SLC41A2: variants seen among roughly 807,000 people sequenced by gnomAD.
The protein encoded by SLC41A2 is SLC41A1-like 1.
A neutral mutation model predicts 58.3 loss-of-function variants in SLC41A2; 32 were observed. That is an observed-to-expected ratio of 0.55 (90% CI 0.41 to 0.74). The LOEUF is 0.74. Among genes scored for constraint, SLC41A2 ranks in the 30% least tolerant of loss-of-function variants. The pLI is 0.00. For synonymous variants in SLC41A2, 190 were observed against 235.0 expected (o/e 0.81, Z 1.75); for missense variants, 514 against 680.6 (o/e 0.76, Z 2.72).
At chr12:104,822,861 GAAAAC>G (rs986916795) in intron 10 of SLC41A2, among the ~76,000 whole-genome samples, 2 of 152,014 alleles carry the variant, frequency 1.3e-5, no homozygotes, top group East Asian at 3.9e-4. Context: ...AAAAGGTTAA[GAAAAC>G]AAAACAAAAA....
At position 104,805,282 on chromosome 12, in the gene SLC41A2, C is replaced by T; in HGVS notation, c.1592G>A (p.Gly531Glu). The change falls in exon 11 of 11, where the codon GGA (glycine) becomes GAA (glutamate). Residue 531 changes from glycine to glutamate, a missense_variant. Gly to Glu is a moderately conservative substitution (Grantham distance 98). Around this residue, in one of 3 missense-constraint regions of SLC41A2, gnomAD observed 128 missense variants for 146.0 expected, o/e 0.88. Transcript: ENST00000258538. ...GATGGAGAAACTATCCGGGTCCTTT[C>T]CTTTCCTCCAGAAGTGATGGACCAT... is the stretch of plus-strand genomic sequence containing the variant. ...DWMVHHFWRKGKDPDSFSIPY... is the reference protein window; with the variant it reads ...DWMVHHFWRKEKDPDSFSIPY... 1 of 1,613,900 alleles carries T rather than the reference C, an allele frequency of 6.2e-7. No homozygotes were observed. The highest frequency in any genetic ancestry group is 8.5e-7 in the Non-Finnish European group (1 of 1,179,842).
chr12:104,898,663 CA>C (rs746071474), intron 3 of SLC41A2, among the ~76,000 whole-genome samples: 2 of 150,438 alleles, frequency 1.3e-5, no homozygotes, highest in Non-Finnish European at 3.0e-5. Flanking sequence ...GTGATTTTTT[CA>C]AATTTTTACC....
At chr12:104,881,622 C>T (rs1017202946) in intron 6 of SLC41A2, among the ~76,000 whole-genome samples, 7 of 152,174 alleles carry the variant, frequency 4.6e-5, no homozygotes, top group South Asian at 2.1e-4. Context: ...TGTAGTTGTG[C>T]GGTTTTGAGT....
At chr12:104,931,971 T>G (rs558202599) in intron 1 of SLC41A2, among the ~76,000 whole-genome samples, 46 of 152,338 alleles carry the variant, frequency 3.0e-4, no homozygotes, top group African/African-American at 1.1e-3. Context: ...TGTTTTTGTT[T>G]TTGTGTGTGT....
chr12:104,902,647 A>C (rs1457417998), intron 3 of SLC41A2, among the ~76,000 whole-genome samples: 1 of 152,174 alleles, frequency 6.6e-6, no homozygotes, highest in Non-Finnish European at 1.5e-5. Flanking sequence ...TTAGAGGATG[A>C]GCAAAGAAAA....
At chr12:104,934,683 A>G (rs2047193544) in intron 1 of SLC41A2, among the ~76,000 whole-genome samples, 1 of 152,246 alleles carries the variant, frequency 6.6e-6, no homozygotes, top group Admixed American at 6.5e-5. Context: ...ATAAACTACA[A>G]TGGAATACTA....
chr12:104,941,499 CA>C (rs1238682324), intron 1 of SLC41A2, among the ~76,000 whole-genome samples: 4 of 152,044 alleles, frequency 2.6e-5, no homozygotes, highest in African/African-American at 4.8e-5. Context: ...TCTCGCCTCC[CA>C]AAAAAAGTTA....
chr12:104,891,102 T>C (rs984810011), intron 4 of SLC41A2, among the ~76,000 whole-genome samples: 2 of 152,158 alleles, frequency 1.3e-5, no homozygotes, highest in African/African-American at 4.8e-5. Context: ...TCCATCTTCT[T>C]TTCTTCTCAC....
At chr12:104,924,578 C>T (rs886193646) in intron 2 of SLC41A2, among the ~76,000 whole-genome samples, 3 of 152,024 alleles carry the variant, frequency 2.0e-5, no homozygotes, top group Non-Finnish European at 4.4e-5. Flanking sequence ...AACCCCATCT[C>T]TATTAAAAAT....
chr12:104,808,844 T>C (rs1396062777), intron 10 of SLC41A2, among the ~76,000 whole-genome samples: 1 of 152,220 alleles, frequency 6.6e-6, no homozygotes, highest in Non-Finnish European at 1.5e-5. Flanking sequence ...GATTTTCTAG[T>C]TTATTTGCGT....
chr12:104,809,837 A>C (rs973275721), intron 10 of SLC41A2, among the ~76,000 whole-genome samples: 3 of 152,050 alleles, frequency 2.0e-5, no homozygotes, highest in Non-Finnish European at 2.9e-5. Flanking sequence ...AGCATAGTGC[A>C]CAGACTGAGA....
chr12:104,848,915 C>CACAT (rs999193133), intron 8 of SLC41A2, among the ~76,000 whole-genome samples: 6 of 151,984 alleles, frequency 3.9e-5, no homozygotes, highest in African/African-American at 1.4e-4. Flanking sequence ...CACACACACA[C>CACAT]ACACACACCA....
In SLC41A2 at chr12:104,803,875, T is replaced by G. The variant is rs1318223219; in HGVS notation, c.*1277A>C. The G allele has an allele frequency of 6.6e-6, 1 of 152,174 alleles. No individual in the cohort carries two copies. The highest frequency in any genetic ancestry group is 1.5e-5 in the Non-Finnish European group (1 of 68,020). 9.4% of individuals were successfully genotyped at this position (152,174 alleles called of 1,614,324 possible). A position where few individuals can be genotyped will look rare whatever the true frequency, so the allele number is the denominator to read the frequency against. On this transcript the variant is annotated 3_prime_UTR_variant, in exon 11 of 11. Transcript: ENST00000258538. ...TTTTAAAAGCGTAAGTCAACGGGCTTCTTTAAAAGAGCAAATGAATCACTT... is the reference window on the plus strand; with the variant it reads ...TTTTAAAAGCGTAAGTCAACGGGCTGCTTTAAAAGAGCAAATGAATCACTT...
intron 3 of SLC41A2, among the ~76,000 whole-genome samples, chr12:104,904,185 T>C (rs1213510933): frequency 1.3e-5 from 2 of 152,236 alleles, no homozygotes; most frequent in African/African-American, 2.4e-5. Context: ...ACAATACTTT[T>C]GAAATATTTT....
At chr12:104,892,022 G>A (rs572731506) in intron 4 of SLC41A2, among the ~76,000 whole-genome samples, 5 of 151,996 alleles carry the variant, frequency 3.3e-5, no homozygotes, top group South Asian at 2.1e-4. Context: ...AAAACAGGCC[G>A]GGAGCAGTGG....
rs1439111193 is a variant in SLC41A2, at chr12:104,802,964, A to G, written c.*2188T>C. ...CATTTTGCAGCTGTACAACCTTAGAAATGTAAGTTCTCTGAATTTCGGTTT... is the reference window on the plus strand; with the variant it reads ...CATTTTGCAGCTGTACAACCTTAGAGATGTAAGTTCTCTGAATTTCGGTTT... On this transcript the variant is annotated 3_prime_UTR_variant, in exon 11 of 11. Coordinates refer to ENST00000258538, the MANE Select transcript of SLC41A2 (RefSeq NM_001352171.3). 6.6e-6 allele frequency: 1 copy of G among 152,128 alleles called. No homozygotes were observed. Among genetic ancestry groups the G allele is most frequent in the Non-Finnish European group, 1.5e-5 (1 of 68,014 alleles). 9.4% of individuals were successfully genotyped at this position (152,128 alleles called of 1,614,324 possible).
At chr12:104,838,968 AC>A (rs1450772568) in intron 10 of SLC41A2, among the ~76,000 whole-genome samples, 7 of 152,176 alleles carry the variant, frequency 4.6e-5, no homozygotes, top group Non-Finnish European at 8.8e-5. Flanking sequence ...TTGCCATTCT[AC>A]CCTTTAAAGG....
In SLC41A2 at chr12:104,805,275, G is replaced by A. The variant is rs986328609; in HGVS notation, c.1599C>T (p.Asp533=). The change falls in exon 11 of 11, where the codon GAC becomes GAT. Residue 533 remains aspartate (D), a synonymous_variant. Coordinates refer to ENST00000258538, the MANE Select transcript of SLC41A2 (RefSeq NM_001352171.3). The part of the protein sequence containing the change: ...MVHHFWRKGK[D]PDSFSIPYLT... ...GGTAGGGGATGGAGAAACTATCCGG[G>A]TCCTTTCCTTTCCTCCAGAAGTGAT... 6.2e-7 allele frequency: 1 copy of A among 1,613,816 alleles called. No individual in the cohort carries two copies. Among genetic ancestry groups the A allele is most frequent in the Non-Finnish European group, 8.5e-7 (1 of 1,179,832 alleles).
intron 4 of SLC41A2, 96 bp from the exon 5 acceptor site, chr12:104,889,273 AGTATTGCAT>A (rs2044826921): frequency 1.6e-6 from 2 of 1,257,752 alleles, no homozygotes; most frequent in Non-Finnish European, 2.2e-6. Flanking sequence ...AGTCAAAAAA[AGTATTGCAT>A]GTAATAATTG....
Sources: gnomAD v4.1 joint callset for allele counts (sites outside exome capture counted in the v4.1 genomes callset) on GRCh38, gnomAD v4.1.1 for gene constraint, gnomAD v4.1.1 regional missense constraint, MANE v1.5 for transcripts, NCBI Gene and HGNC (gene_info 2026-07-23, HGNC 2026-07-21) for gene names.